The following ROBO1 variants were observed in gnomAD, a reference collection of about 807,000 sequenced individuals.
ROBO1 encodes roundabout guidance receptor 1.
In ROBO1, 149 loss-of-function variants were observed where a neutral mutation model predicts 195.9. The ratio of observed to expected loss-of-function variants is 0.76; its 90% CI spans 0.67 to 0.87. The LOEUF (loss-of-function observed/expected upper bound fraction) is 0.87, where lower values mean the gene tolerates loss of function less well. ROBO1 is among the 40% of genes least tolerant of loss of function. The pLI is 0.00. For missense variants in ROBO1, 1,933 were observed against 2,068.3 expected (o/e 0.93, Z 1.27); for synonymous variants, 816 against 733.2 (o/e 1.11, Z -1.82).
At chr3:79,520,296 T>C (rs1209652805) in intron 2 of ROBO1, among the ~76,000 whole-genome samples, 1 of 152,154 alleles carries the variant, frequency 6.6e-6, no homozygotes, top group Non-Finnish European at 1.5e-5. Context: ...CCTTAGGCTG[T>C]GAGATCTCTT....
At chr3:79,018,121 G>T (rs1477824460) in intron 3 of ROBO1, among the ~76,000 whole-genome samples, 1 of 152,134 alleles carries the variant, frequency 6.6e-6, no homozygotes, top group Non-Finnish European at 1.5e-5. Flanking sequence ...TTAGACGTGC[G>T]TTTGCCCAGA....
At chr3:79,029,015 G>A (rs1391888184) in intron 3 of ROBO1, among the ~76,000 whole-genome samples, 2 of 151,992 alleles carry the variant, frequency 1.3e-5, no homozygotes, top group African/African-American at 4.8e-5. Context: ...TTCACTAAAT[G>A]TTCCTTTCAG....
At chr3:79,406,577 T>C (rs2037558964) in intron 2 of ROBO1, among the ~76,000 whole-genome samples, 1 of 151,854 alleles carries the variant, frequency 6.6e-6, no homozygotes, top group African/African-American at 2.4e-5. Context: ...TGTGTGAGTA[T>C]GTGTGTGTGG....
At chr3:78,706,974 C>G (rs1430356836) in intron 8 of ROBO1, among the ~76,000 whole-genome samples, 1 of 152,142 alleles carries the variant, frequency 6.6e-6, no homozygotes, top group Non-Finnish European at 1.5e-5. Flanking sequence ...GATGTCTGGT[C>G]TGCTCTTATT....
chr3:78,929,260 G>C (rs1264963352), intron 4 of ROBO1, among the ~76,000 whole-genome samples: 1 of 152,052 alleles, frequency 6.6e-6, no homozygotes, highest in African/African-American at 2.4e-5. Flanking sequence ...TTAAACATCA[G>C]ATATACTGAA....
chr3:79,119,743 T>C (rs1220980954), intron 3 of ROBO1, among the ~76,000 whole-genome samples: 1 of 152,018 alleles, frequency 6.6e-6, no homozygotes, highest in Admixed American at 6.6e-5. Flanking sequence ...GGCCACCAGA[T>C]TGATCCACAG....
In ROBO1 at chr3:78,617,821, CAG is replaced by C; in HGVS notation, c.4094_4095del (p.Ser1365CysfsTer26). On this transcript the variant is annotated frameshift_variant, in exon 27 of 31. Coordinates refer to ENST00000464233, the MANE Select transcript of ROBO1 (RefSeq NM_002941.4). LOFTEE classifies it high-confidence loss of function. ...PASSVGDLES[S>X]VTGSMINGWG... ...CAGCCGTTGATCATGGACCCCGTGACAGAGCTCTCCAGGTCCCCAACACTGGA... is the reference window on the plus strand; with the variant it reads ...CAGCCGTTGATCATGGACCCCGTGACAGCTCTCCAGGTCCCCAACACTGGA... 1 of 1,613,958 alleles carries C rather than the reference CAG, an allele frequency of 6.2e-7. No homozygotes were observed. The highest frequency in any genetic ancestry group is 8.5e-7 in the Non-Finnish European group (1 of 1,179,880).
At chr3:79,248,953 TA>T (rs922967507) in intron 2 of ROBO1, among the ~76,000 whole-genome samples, 15 of 152,324 alleles carry the variant, frequency 9.8e-5, no homozygotes, top group African/African-American at 2.9e-4. Context: ...GGTTCGGTTT[TA>T]AACATATTGG....
chr3:79,479,590 T>C (rs73131021), intron 2 of ROBO1, among the ~76,000 whole-genome samples: 17,128 of 151,998 alleles, frequency 0.11, 1,098 homozygotes, highest in African/African-American at 0.18. Flanking sequence ...GTCACTCTGG[T>C]AGAACTTAAA....
intron 4 of ROBO1, among the ~76,000 whole-genome samples, chr3:78,845,503 G>A (rs780494856): frequency 6.6e-5 from 10 of 151,764 alleles, no homozygotes; most frequent in African/African-American, 2.2e-4. Context: ...TGATATCTAC[G>A]TGTGTGTTTA....
intron 2 of ROBO1, among the ~76,000 whole-genome samples, chr3:79,215,224 TAA>T (rs2082034153): frequency 6.6e-6 from 1 of 152,074 alleles, no homozygotes; most frequent in South Asian, 2.1e-4. Context: ...AAAATAGCAA[TAA>T]GTCTCAGTGT....
intron 3 of ROBO1, among the ~76,000 whole-genome samples, chr3:78,959,092 G>A (rs1447872551): frequency 6.6e-6 from 1 of 151,938 alleles, no homozygotes; most frequent in Non-Finnish European, 1.5e-5. Flanking sequence ...CATGAGCACT[G>A]TACCGGCCCA....
Position 78,598,943 on chromosome 3 carries a change from T to C in ROBO1, c.4942-16A>G. Reference sequence around the variant, plus strand: ...TTTCAGTTTCCTGTAAGAGATACGTTATTGTCACATTTGAAAATAAATCTT... The same window carrying C: ...TTTCAGTTTCCTGTAAGAGATACGTCATTGTCACATTTGAAAATAAATCTT... On this transcript the variant is annotated splice_polypyrimidine_tract_variant and intron_variant, in intron 30 of 30. Transcript: ENST00000464233. 1 of 1,526,028 alleles carries C rather than the reference T, an allele frequency of 6.6e-7. No homozygotes were observed. Among genetic ancestry groups the C allele is most frequent in the Non-Finnish European group, 8.9e-7 (1 of 1,118,076 alleles). The allele number at this position is 1,526,028 out of a possible 1,614,324, so 94.5% of individuals were successfully genotyped here.
intron 5 of ROBO1, among the ~76,000 whole-genome samples, chr3:78,729,333 A>G (rs2082235952): frequency 2.6e-5 from 4 of 152,334 alleles, no homozygotes; most frequent in Admixed American, 2.6e-4. Flanking sequence ...ATAAATTAGT[A>G]TCTTGCTCTC....
chr3:78,744,366 G>A (rs2082604555), intron 5 of ROBO1, among the ~76,000 whole-genome samples: 1 of 152,156 alleles, frequency 6.6e-6, no homozygotes, highest in African/African-American at 2.4e-5. Context: ...TACCCTGAGA[G>A]CTCTTAGTGG....
chr3:79,609,412 A>G (rs2107909759), intron 1 of ROBO1, among the ~76,000 whole-genome samples: 1 of 152,088 alleles, frequency 6.6e-6, no homozygotes, highest in Non-Finnish European at 1.5e-5. Context: ...GGAAATGTAA[A>G]ATGTGGCAGA....
intron 1 of ROBO1, among the ~76,000 whole-genome samples, chr3:79,625,078 A>G (rs1029597483): frequency 6.6e-6 from 1 of 152,168 alleles, no homozygotes; most frequent in African/African-American, 2.4e-5. Flanking sequence ...CGGAAAATGA[A>G]CAACCTGCTT....
At chr3:79,395,340 A>AAAAAAGAAAGAAAGAAAGAAAGAAAG (rs71631648) in intron 2 of ROBO1, among the ~76,000 whole-genome samples, 4 of 119,082 alleles carry the variant, frequency 3.4e-5, no homozygotes, top group African/African-American at 1.2e-4. Flanking sequence ...AAAAAAAAAA[A>AAAAAAGAAAGAAAGAAAGAAAGAAAG]AAAGAAAGAA....
chr3:79,316,176 G>A lies in ROBO1; in HGVS notation c.89-190637C>T, dbSNP rs2033730173. 1.3e-5 allele frequency among the ~76,000 whole-genome samples: 2 copies of A among 152,182 alleles called. 1 individual carries two copies. The highest frequency in any genetic ancestry group is 4.1e-4 in the South Asian group (2 of 4,834). The stretch of plus-strand genomic sequence containing the variant: ...TAAGATGAGACAACCTAGCAATAAG[G>A]AGATGATTGGTTTTCTTGAAAGGAG... On this transcript the variant is annotated intron_variant, in intron 2 of 30. Coordinates refer to ENST00000464233, the MANE Select transcript of ROBO1 (RefSeq NM_002941.4).
Sources: allele counts gnomAD v4.1 joint callset (sites outside exome capture counted in the v4.1 genomes callset), GRCh38; gene constraint gnomAD v4.1.1; transcripts MANE v1.5; gene names NCBI Gene and HGNC (gene_info 2026-07-23, HGNC 2026-07-21).